The following LRP6 variants were observed in gnomAD, a reference collection of about 807,000 sequenced individuals.
LRP6 encodes the protein LDL receptor related protein 6, also known as low-density lipoprotein receptor-related protein 6.
In LRP6, 43 loss-of-function variants were observed where a neutral mutation model predicts 184.1. The observed-to-expected ratio is 0.23, with a 90% confidence interval of 0.18 to 0.30. LRP6 has a LOEUF of 0.30. Ranked by LOEUF, LRP6 falls within the 10% of genes least tolerant of loss-of-function variation. The pLI, the probability that LRP6 is intolerant of heterozygous loss-of-function variation, is 1.00. For synonymous variants in LRP6, 719 were observed against 684.9 expected, an observed-to-expected ratio of 1.05 and a Z score of -0.78; for missense variants, 1,571 against 2,005.3, an observed-to-expected ratio of 0.78 and a Z score of 4.14.
chr12:12,240,983 GA>G (rs965903194), intron 2 of LRP6, among the ~76,000 whole-genome samples: 6 of 151,508 alleles, frequency 4.0e-5, no homozygotes, highest in Admixed American at 6.6e-5. Context: ...TTATCATAAG[GA>G]AAAAAAAATC....
At chr12:12,125,505 A>T (rs997149526) in intron 20 of LRP6, 73 bp from the exon 21 acceptor site, 33 of 1,327,692 alleles carry the variant, frequency 2.5e-5, no homozygotes, top group Non-Finnish European at 3.4e-5. Context: ...TTCATTCAAC[A>T]GTAGGATTAC....
At chr12:12,156,073 G>T (rs1299586280) in intron 12 of LRP6, among the ~76,000 whole-genome samples, 2 of 152,060 alleles carry the variant, frequency 1.3e-5, no homozygotes, top group Non-Finnish European at 2.9e-5. Context: ...GACATAAATA[G>T]TAGAGTATAT....
chr12:12,242,406 G>A (rs1865089658), intron 2 of LRP6, among the ~76,000 whole-genome samples: 1 of 152,106 alleles, frequency 6.6e-6, no homozygotes, highest in Non-Finnish European at 1.5e-5. Flanking sequence ...CACCCTTACA[G>A]TGGTAAAATT....
intron 3 of LRP6, among the ~76,000 whole-genome samples, chr12:12,190,228 T>C (rs553701146): frequency 3.6e-4 from 55 of 152,272 alleles, no homozygotes; most frequent in African/African-American, 1.3e-3. Context: ...CTGGCTGAGA[T>C]TACCAAGTAA....
chr12:12,221,425 C>T (rs1044757642), intron 2 of LRP6, among the ~76,000 whole-genome samples: 1 of 152,168 alleles, frequency 6.6e-6, no homozygotes, highest in African/African-American at 2.4e-5. Flanking sequence ...GCACCTCCCC[C>T]CTCTTCCCTC....
At chr12:12,237,456 T>C (rs990763500) in intron 2 of LRP6, among the ~76,000 whole-genome samples, 8 of 152,126 alleles carry the variant, frequency 5.3e-5, no homozygotes, top group African/African-American at 1.9e-4. Context: ...TGCTAAAATT[T>C]GTGGATAAAA....
chr12:12,151,497 A>C lies in LRP6; in HGVS notation c.2792-459T>G, dbSNP rs192243736. 1.9e-3 allele frequency among the ~76,000 whole-genome samples: 289 copies of C among 152,010 alleles called. 2 individuals are homozygous for C. Among genetic ancestry groups the C allele is most frequent in the Middle Eastern group, 6.8e-3 (2 of 294 alleles). On this transcript the variant is annotated intron_variant, in intron 12 of 22. Coordinates refer to ENST00000261349, the MANE Select transcript of LRP6 (RefSeq NM_002336.3). ...TCTAAGGAAAAAAAAAAAAAAAAGA[A>C]GGCTGATTTTTAGTCTCAGCCTTCT...
intron 2 of LRP6, among the ~76,000 whole-genome samples, chr12:12,238,369 A>G (rs1355571701): frequency 4.6e-5 from 7 of 152,046 alleles, no homozygotes. Flanking sequence ...AGGAAAATTA[A>G]GAAAAAAAAG....
In LRP6 at chr12:12,147,445, A is replaced by C. The variant is rs750383890; in HGVS notation, c.3318T>G (p.Ala1106=). 4 of 1,614,204 alleles carry C rather than the reference A, an allele frequency of 2.5e-6. No homozygotes were observed. Among genetic ancestry groups the C allele is most frequent in the Non-Finnish European group, 3.4e-6 (4 of 1,180,032 alleles). Residue 1106 remains alanine (A), a synonymous_variant, in exon 15 of 23, where the codon GCT becomes GCG. Coordinates refer to ENST00000261349, the MANE Select transcript of LRP6 (RefSeq NM_002336.3). The part of the protein sequence containing the change: ...LFFSGLSKPI[A]LALDSRLGKL... The stretch of plus-strand genomic sequence containing the variant: ...TGCCCAGCCTGCTATCAAGGGCTAA[A>C]GCAATTGGTTTACTTAAGCCACTGA...
In LRP6 at chr12:12,117,478, A is replaced by T. The variant is rs1949533884; in HGVS notation, c.*3648T>A. The T allele has an allele frequency of 6.6e-6, 1 of 152,256 alleles. No individual in the cohort carries two copies. 9.4% of individuals were successfully genotyped at this position (152,256 alleles called of 1,614,324 possible). On this transcript the variant is annotated 3_prime_UTR_variant, in exon 23 of 23. Transcript: ENST00000261349. ...TCTTGTTAGATACGTAATGATAACCAATATGTAATTCCTATGGCATGCAAA... is the reference window on the plus strand; with the variant it reads ...TCTTGTTAGATACGTAATGATAACCTATATGTAATTCCTATGGCATGCAAA...
chr12:12,133,293 T>C (rs1029902101), intron 17 of LRP6, among the ~76,000 whole-genome samples: 3 of 152,174 alleles, frequency 2.0e-5, no homozygotes, highest in African/African-American at 7.2e-5. Context: ...ATCCCCAATG[T>C]TGGAAGTGAG....
intron 2 of LRP6, among the ~76,000 whole-genome samples, chr12:12,234,090 C>T (rs1464924423): frequency 6.6e-6 from 1 of 152,112 alleles, no homozygotes; most frequent in Admixed American, 6.6e-5. Context: ...GAGTTTGAGA[C>T]CAGCCTGACC....
At chr12:12,147,782 G>C (rs1950030623) in intron 14 of LRP6, among the ~76,000 whole-genome samples, 1 of 151,882 alleles carries the variant, frequency 6.6e-6, no homozygotes, top group Non-Finnish European at 1.5e-5. Flanking sequence ...GACCAGCTTG[G>C]GCAACACAGC....
Position 12,120,190 on chromosome 12 carries a change from A to C in LRP6, c.*936T>G, listed in dbSNP as rs1366582348. 6.6e-6 allele frequency: 1 copy of C among 151,680 alleles called. No individual in the cohort carries two copies. Among genetic ancestry groups the C allele is most frequent in the East Asian group, 1.9e-4 (1 of 5,190 alleles). 9.4% of individuals were successfully genotyped at this position (151,680 alleles called of 1,614,324 possible). A position where few individuals can be genotyped will look rare whatever the true frequency, so the allele number is the denominator to read the frequency against. ...TAATGAGCATTAAAACAATCTTGGAAGAAGAGAAATAATATGTCTAACTTT... is the reference window on the plus strand; with the variant it reads ...TAATGAGCATTAAAACAATCTTGGACGAAGAGAAATAATATGTCTAACTTT... On this transcript the variant is annotated 3_prime_UTR_variant, in exon 23 of 23. Transcript: ENST00000261349.
chr12:12,231,980 C>T (rs554586604), intron 2 of LRP6, among the ~76,000 whole-genome samples: 9 of 150,416 alleles, frequency 6.0e-5, no homozygotes, highest in African/African-American at 9.8e-5. Context: ...GCGCCACTGA[C>T]GAAGCGAGAC....
chr12:12,254,159 A>AG (rs1452837816), intron 1 of LRP6, among the ~76,000 whole-genome samples: 9 of 147,594 alleles, frequency 6.1e-5, no homozygotes, highest in African/African-American at 2.0e-4. Flanking sequence ...AAAAAAAAAA[A>AG]AAAAAAGAAA....
At chr12:12,124,292 G>A (rs1165963070) in intron 22 of LRP6, among the ~76,000 whole-genome samples, 1 of 152,168 alleles carries the variant, frequency 6.6e-6, no homozygotes, top group Admixed American at 6.5e-5. Flanking sequence ...AGAATCGCTT[G>A]AACCTGGGAG....
chr12:12,148,917 T>C (rs781766849), intron 14 of LRP6, 25 bp downstream of exon 14: 1 of 1,574,768 alleles, frequency 6.4e-7, no homozygotes, highest in Admixed American at 1.7e-5. Flanking sequence ...AGCCACAGTA[T>C]CTGAACGCCA....
intron 5 of LRP6, among the ~76,000 whole-genome samples, chr12:12,181,956 G>A (rs1863355467): frequency 6.6e-6 from 1 of 152,182 alleles, no homozygotes; most frequent in South Asian, 2.1e-4. Context: ...GATTTTATAT[G>A]CTATGTAAGT....
Sources: allele counts gnomAD v4.1 joint callset (sites outside exome capture counted in the v4.1 genomes callset), GRCh38; gene constraint gnomAD v4.1.1; transcripts MANE v1.5; gene names NCBI Gene and HGNC (gene_info 2026-07-23, HGNC 2026-07-21).